Variants in KIAA0319L observed in about 807,000 individuals in gnomAD.
KIAA0319L encodes the protein dyslexia-associated protein KIAA0319-like protein.
KIAA0319L carries 55 observed loss-of-function variants against 120.1 expected under a neutral mutation model. That is an observed-to-expected ratio of 0.46 (90% confidence interval 0.37 to 0.57). The LOEUF (loss-of-function observed/expected upper bound fraction) is 0.57. Among genes scored for constraint, KIAA0319L ranks in the 20% least tolerant of loss-of-function variants. KIAA0319L has a pLI of 0.00. For synonymous variants in KIAA0319L, 398 were observed against 471.9 expected (o/e 0.84, Z 2.03); for missense variants, 1,049 against 1,255.3 (o/e 0.84, Z 2.48).
chr1:35,473,387 C>T (rs1374291295), intron 5 of KIAA0319L, among the ~76,000 whole-genome samples: 2 of 152,068 alleles, frequency 1.3e-5, no homozygotes, highest in Non-Finnish European at 2.9e-5. Flanking sequence ...TGTGAGCCAC[C>T]GTGCCTGGCC....
intron 16 of KIAA0319L, among the ~76,000 whole-genome samples, chr1:35,445,495 A>G (rs914761579): frequency 6.6e-6 from 1 of 152,210 alleles, no homozygotes; most frequent in Non-Finnish European, 1.5e-5. Context: ...ACTTGTGTGA[A>G]TATCTACCCC....
intron 9 of KIAA0319L, 69 bp downstream of exon 9, chr1:35,460,236 T>A (rs536169387): frequency 7.8e-7 from 1 of 1,290,172 alleles, no homozygotes; most frequent in Non-Finnish European, 1.1e-6. Context: ...GTTACTCATA[T>A]AACAATGTAA....
chr1:35,486,135 C>T (rs1030245527), intron 3 of KIAA0319L, among the ~76,000 whole-genome samples: 8 of 152,242 alleles, frequency 5.3e-5, no homozygotes, highest in South Asian at 2.1e-4. Context: ...CTCAAGCCAG[C>T]GCTTTGAGAT....
chr1:35,524,252 C>G (rs1646033949), intron 2 of KIAA0319L, among the ~76,000 whole-genome samples: 1 of 152,120 alleles, frequency 6.6e-6, no homozygotes, highest in Admixed American at 6.5e-5. Flanking sequence ...CTGGTAAAAT[C>G]CAGACCTTTG....
chr1:35,479,620 T>C (rs186090739), intron 3 of KIAA0319L, among the ~76,000 whole-genome samples: 27 of 152,270 alleles, frequency 1.8e-4, no homozygotes, highest in Admixed American at 2.6e-4. Flanking sequence ...ATAGTAAATA[T>C]ACCAGCTAAG....
intron 1 of KIAA0319L, chr1:35,556,875 C>T (rs1391968656): frequency 6.6e-6 from 1 of 151,030 alleles, no homozygotes; most frequent in African/African-American, 2.4e-5. Context: ...GGTGGAGAGA[C>T]CAAACATCAG....
At position 35,554,411 on chromosome 1, in the gene KIAA0319L, C is replaced by A. The variant is rs1647621448; in HGVS notation, c.81G>T (p.Trp27Cys). 1 of 1,613,538 alleles carries A rather than the reference C, an allele frequency of 6.2e-7. No individual in the cohort carries two copies. The highest frequency in any genetic ancestry group is 8.5e-7 in the Non-Finnish European group (1 of 1,179,834). The change falls in exon 2 of 21, where the codon TGG becomes TGT. Residue 27 changes from tryptophan (W) to cysteine (C), a missense_variant. Trp to Cys is a radical substitution (Grantham distance 215, BLOSUM62 -2). Coordinates refer to ENST00000325722, the MANE Select transcript of KIAA0319L (RefSeq NM_024874.5). ...SGYYWQTSAKWLRSLYLFYTC... is the reference protein window; with the variant it reads ...SGYYWQTSAKCLRSLYLFYTC... ...TATAAAACAGGTACAGGCTTCTCAACCACTTCGCAGATGTCTGCCAATAAT... is the reference window on the plus strand; with the variant it reads ...TATAAAACAGGTACAGGCTTCTCAAACACTTCGCAGATGTCTGCCAATAAT...
intron 4 of KIAA0319L, among the ~76,000 whole-genome samples, chr1:35,477,876 T>C (rs1042153866): frequency 2.0e-5 from 3 of 152,100 alleles, no homozygotes; most frequent in East Asian, 1.9e-4. Flanking sequence ...AGAGTTACCA[T>C]GTGACTCAAT....
chr1:35,445,890 T>C (rs2149081139), intron 16 of KIAA0319L, among the ~76,000 whole-genome samples: 1 of 152,338 alleles, frequency 6.6e-6, no homozygotes, highest in South Asian at 2.1e-4. Flanking sequence ...TGCTGGTGAA[T>C]CTGAGCAACC....
chr1:35,483,094 T>C (rs1558433591), intron 3 of KIAA0319L, among the ~76,000 whole-genome samples: 1 of 152,216 alleles, frequency 6.6e-6, no homozygotes, highest in Non-Finnish European at 1.5e-5. Flanking sequence ...TTAAAATGGG[T>C]TACTAGTTTT....
chr1:35,556,160 G>A (rs939811028), intron 1 of KIAA0319L, among the ~76,000 whole-genome samples: 13 of 152,184 alleles, frequency 8.5e-5, no homozygotes, highest in Non-Finnish European at 1.6e-4. Flanking sequence ...ATCTAGAGAA[G>A]CTCACAATAG....
intron 6 of KIAA0319L, among the ~76,000 whole-genome samples, chr1:35,470,254 A>G (rs1212081562): frequency 2.0e-5 from 3 of 152,046 alleles, no homozygotes; most frequent in Admixed American, 6.5e-5. Flanking sequence ...GCACTTTGGA[A>G]GGCTGAGATG....
At chr1:35,515,687 A>G (rs1645650797) in intron 2 of KIAA0319L, among the ~76,000 whole-genome samples, 1 of 152,152 alleles carries the variant, frequency 6.6e-6, no homozygotes, top group Admixed American at 6.5e-5. Context: ...CTAGTAGAAG[A>G]CAAGAAATAA....
At position 35,450,400 on chromosome 1, in the gene KIAA0319L, G is replaced by T; in HGVS notation, c.2172C>A (p.Val724=). 6.2e-7 allele frequency: 1 copy of T among 1,614,114 alleles called. No individual in the cohort carries two copies. Among genetic ancestry groups the T allele is most frequent in the Non-Finnish European group, 8.5e-7 (1 of 1,180,002 alleles). Residue 724 remains valine (V), a synonymous_variant, in exon 14 of 21, where the codon GTC becomes GTA. Transcript: ENST00000325722. ...GSKSSDDKGI[V]SYLWTRDEGS... ...CCTCATCTCGAGTCCAGAGGTAGCT[G>T]ACTATTCCCTTGTCATCTGAGGACT...
At chr1:35,529,279 T>A (rs1646271516) in intron 2 of KIAA0319L, among the ~76,000 whole-genome samples, 1 of 152,252 alleles carries the variant, frequency 6.6e-6, no homozygotes, top group Non-Finnish European at 1.5e-5. Context: ...AACTTACTAC[T>A]GTCATTTTGT....
chr1:35,479,595 GCAT>G lies in KIAA0319L; in HGVS notation c.667-386_667-384del, dbSNP rs112480876. 1.0e-3 allele frequency among the ~76,000 whole-genome samples: 158 copies of G among 152,192 alleles called. 1 individual carries two copies. Among genetic ancestry groups the G allele is most frequent in the African/African-American group, 3.6e-3 (151 of 41,534 alleles). On this transcript the variant is annotated intron_variant, in intron 3 of 20. Coordinates refer to ENST00000325722, the MANE Select transcript of KIAA0319L (RefSeq NM_024874.5). ...TAAAACTAATCGTTGAGCACTGAAA[GCAT>G]AATAAGCCAAAATAGTAAATATACC...
At chr1:35,500,837 T>C (rs1392751573) in intron 3 of KIAA0319L, among the ~76,000 whole-genome samples, 1 of 152,210 alleles carries the variant, frequency 6.6e-6, no homozygotes, top group Non-Finnish European at 1.5e-5. Context: ...TCTTACCACC[T>C]TTCCAGAGCT....
intron 3 of KIAA0319L, among the ~76,000 whole-genome samples, chr1:35,487,134 C>A (rs1644419611): frequency 6.6e-6 from 1 of 152,038 alleles, no homozygotes; most frequent in South Asian, 2.1e-4. Flanking sequence ...CTGGATTCTA[C>A]TATATTTTCC....
intron 3 of KIAA0319L, among the ~76,000 whole-genome samples, chr1:35,489,628 T>C (rs1162150222): frequency 6.6e-6 from 1 of 151,508 alleles, no homozygotes; most frequent in Non-Finnish European, 1.5e-5. Context: ...CTACAGAGGG[T>C]CAGGGAAAAA....
Sources: gnomAD v4.1 joint callset for allele counts (sites outside exome capture counted in the v4.1 genomes callset) on GRCh38, gnomAD v4.1.1 for gene constraint, MANE v1.5 for transcripts, NCBI Gene and HGNC (gene_info 2026-07-23, HGNC 2026-07-21) for gene names.